The following COL28A1 variants were observed in gnomAD, a reference collection of about 807,000 sequenced individuals.
The protein encoded by COL28A1 is collagen type XXVIII alpha 1 chain.
In COL28A1, 161 loss-of-function variants were observed where a neutral mutation model predicts 150.2. The observed-to-expected ratio is 1.07, with a 90% CI of 0.94 to 1.22. COL28A1 has a LOEUF of 1.22. Ranked by LOEUF, COL28A1 falls within the 50% of genes most tolerant of loss-of-function variation. COL28A1 has a pLI of 0.00. For missense variants in COL28A1, 1,617 were observed against 1,388.3 expected, an observed-to-expected ratio of 1.16 and a Z score of -2.62; for synonymous variants, 552 against 469.7, an observed-to-expected ratio of 1.18 and a Z score of -2.26.
chr7:7,440,807 C>A lies in COL28A1; in HGVS notation c.1705G>T (p.Gly569Trp). Residue 569 changes from glycine to tryptophan, a missense_variant, in exon 21 of 35, where the codon GGG becomes TGG. By Grantham distance (184) the Gly-to-Trp change is radical. Transcript: ENST00000399429. The stretch of plus-strand genomic sequence containing the variant: ...AAACATACCTTTGGTCCTTCGGGCC[C>A]TGGAAGTCCCCTCTGTCCTTGATTT... ...KGNQGQRGLP[G>W]PEGPKGEPGI... 1 of 1,511,944 alleles carries A rather than the reference C, an allele frequency of 6.6e-7. No homozygotes were observed. The highest frequency in any genetic ancestry group is 1.7e-5 in the Admixed American group (1 of 59,654). 93.7% of individuals were successfully genotyped at this position (1,511,944 alleles called of 1,614,324 possible).
At chr7:7,440,999 G>A (rs780717520) in intron 20 of COL28A1, 138 bp from the exon 21 acceptor site, 6 of 477,860 alleles carry the variant, frequency 1.3e-5, no homozygotes, top group South Asian at 9.9e-5. Flanking sequence ...GCTCAATTGC[G>A]CAGGATTCGT....
intron 21 of COL28A1, among the ~76,000 whole-genome samples, chr7:7,438,492 C>T (rs1785514646): frequency 6.6e-6 from 1 of 152,294 alleles, no homozygotes. Flanking sequence ...GATTCAATAG[C>T]TCTAGAGGTT....
chr7:7,529,533 C>A (rs912691250), intron 3 of COL28A1, among the ~76,000 whole-genome samples: 14 of 152,138 alleles, frequency 9.2e-5, no homozygotes, highest in Admixed American at 2.6e-4. Context: ...GAGCAGTATT[C>A]AGTCATTTTC....
chr7:7,359,440 G>A (rs1484921734), intron 34 of COL28A1, among the ~76,000 whole-genome samples: 1 of 152,106 alleles, frequency 6.6e-6, no homozygotes, highest in Non-Finnish European at 1.5e-5. Context: ...GAAAGCATAG[G>A]ACAGCTGTAA....
intron 31 of COL28A1, among the ~76,000 whole-genome samples, chr7:7,374,038 A>AAAAAAAAAAAAAAAATATATATATATAT: frequency 6.2e-5 from 7 of 113,626 alleles, no homozygotes; most frequent in African/African-American, 2.7e-4. Flanking sequence ...AAAAAAAAAA[A>AAAAAAAAAAAAAAAATATATATATATAT]ATATATATAT....
chr7:7,419,816 A>G (rs550215053), intron 26 of COL28A1, 69 bp downstream of exon 26: 11 of 971,534 alleles, frequency 1.1e-5, no homozygotes, highest in Non-Finnish European at 1.6e-5. Flanking sequence ...CTTATTATGA[A>G]GTTACTGTTC....
chr7:7,513,013 A>T (rs955385481), intron 8 of COL28A1, among the ~76,000 whole-genome samples: 2 of 152,226 alleles, frequency 1.3e-5, no homozygotes, highest in African/African-American at 4.8e-5. Context: ...TAAACAGTAT[A>T]CGTTGTAATA....
intron 30 of COL28A1, 79 bp downstream of exon 30, chr7:7,380,581 A>T: frequency 7.8e-7 from 1 of 1,281,902 alleles, no homozygotes; most frequent in Non-Finnish European, 1.1e-6. Context: ...CAAAAAATTC[A>T]TAATTCTAAA....
chr7:7,343,068 TAAG>T, the COL28A1 span, among the ~76,000 whole-genome samples: 9 of 152,058 alleles, frequency 5.9e-5, no homozygotes, highest in Non-Finnish European at 1.2e-4. Context: ...CTGATTTTAT[TAAG>T]AAGCCAGTTG....
chr7:7,523,166 T>C (rs78212678), intron 4 of COL28A1, among the ~76,000 whole-genome samples: 2 of 34,542 alleles, frequency 5.8e-5, no homozygotes, highest in Non-Finnish European at 9.5e-5. Context: ...CTTTCTTTTC[T>C]TTTTTTTTTT....
chr7:7,456,132 G>T lies in COL28A1; in HGVS notation c.1303-20C>A, dbSNP rs372127651. 4 of 1,607,174 alleles carry T rather than the reference G, an allele frequency of 2.5e-6. No individual in the cohort carries two copies. The highest frequency in any genetic ancestry group is 3.4e-6 in the Non-Finnish European group (4 of 1,176,670). ...ATCCCCCTGCACAGAAAATAAGCCA[G>T]GAAATATAACAATAAAATAAAATCT... On this transcript the variant is annotated intron_variant, in intron 15 of 34. Coordinates refer to ENST00000399429, the MANE Select transcript of COL28A1 (RefSeq NM_001037763.3).
intron 27 of COL28A1, among the ~76,000 whole-genome samples, chr7:7,403,439 T>A (rs1204933265): frequency 6.6e-6 from 1 of 152,190 alleles, no homozygotes; most frequent in East Asian, 1.9e-4. Context: ...AAAATCTTTT[T>A]AAATTATAAG....
chr7:7,482,384 G>A (rs914938845), intron 13 of COL28A1, among the ~76,000 whole-genome samples: 2 of 152,008 alleles, frequency 1.3e-5, no homozygotes, highest in Non-Finnish European at 2.9e-5. Flanking sequence ...AATTAGCCAG[G>A]TCTGGTGGCT....
Position 7,451,265 on chromosome 7 carries a change from C to T in COL28A1, c.1509+1054G>A, listed in dbSNP as rs895354325. Among the ~76,000 whole-genome samples, 150 of 151,466 alleles carry T rather than the reference C, an allele frequency of 9.9e-4. 1 individual carries two copies. The highest frequency in any genetic ancestry group is 3.2e-3 in the African/African-American group (133 of 41,308). Reference sequence around the variant, plus strand: ...TTTTTAAGATGGAGTCTCACTTCGTCGCCAGGCTGGAGTGCAGTGGCGCGA... The same window carrying T: ...TTTTTAAGATGGAGTCTCACTTCGTTGCCAGGCTGGAGTGCAGTGGCGCGA... On this transcript the variant is annotated intron_variant, in intron 18 of 34. Transcript: ENST00000399429.
At chr7:7,361,527 C>T (rs574043920) in intron 33 of COL28A1, among the ~76,000 whole-genome samples, 8 of 152,274 alleles carry the variant, frequency 5.3e-5, no homozygotes, top group Middle Eastern at 3.4e-3. Context: ...TTTTAATGAT[C>T]GCCATTCTAA....
At chr7:7,391,292 T>C (rs1422195063) in intron 27 of COL28A1, among the ~76,000 whole-genome samples, 1 of 152,184 alleles carries the variant, frequency 6.6e-6, no homozygotes, top group Non-Finnish European at 1.5e-5. Context: ...CGGTTTTGAG[T>C]GAGTTTCTTA....
chr7:7,354,150 G>A (rs549866027), downstream of COL28A1, among the ~76,000 whole-genome samples: 25 of 152,072 alleles, frequency 1.6e-4, no homozygotes, highest in African/African-American at 5.3e-4. Flanking sequence ...CCATCATGAT[G>A]TATGGCTAAT....
intron 33 of COL28A1, among the ~76,000 whole-genome samples, chr7:7,368,129 A>C (rs1562476056): frequency 6.6e-6 from 1 of 152,052 alleles, no homozygotes; most frequent in Admixed American, 6.6e-5. Context: ...CACAGCAATC[A>C]GGGTTATTCT....
chr7:7,430,883 C>G (rs1784923999), intron 25 of COL28A1, among the ~76,000 whole-genome samples: 1 of 152,190 alleles, frequency 6.6e-6, no homozygotes, highest in Non-Finnish European at 1.5e-5. Flanking sequence ...CTGAGTCAGA[C>G]CAAGCCAGAT....
Sources: gnomAD v4.1 joint callset for allele counts (sites outside exome capture counted in the v4.1 genomes callset) on GRCh38, gnomAD v4.1.1 for gene constraint, MANE v1.5 for transcripts, NCBI Gene and HGNC (gene_info 2026-07-23, HGNC 2026-07-21) for gene names.